Variants in SORBS2 observed in about 807,000 individuals in gnomAD.
SORBS2 encodes the protein sorbin and SH3 domain-containing protein 2.
Under a neutral mutation model 97.7 loss-of-function variants are expected in SORBS2, and 46 were observed. The ratio of observed to expected loss-of-function variants is 0.47; its 90% CI spans 0.37 to 0.60. The LOEUF (loss-of-function observed/expected upper bound fraction) is 0.60. SORBS2 is among the 20% of genes least tolerant of loss of function. The pLI is 0.00. For missense variants in SORBS2, 1,316 were observed against 1,282.3 expected (o/e 1.03, Z -0.40); for synonymous variants, 476 against 473.4 (o/e 1.01, Z -0.07).
chr4:185,872,245 G>A (rs374826351), intron 1 of SORBS2, among the ~76,000 whole-genome samples: 11 of 152,168 alleles, frequency 7.2e-5, no homozygotes, highest in Non-Finnish European at 1.2e-4. Flanking sequence ...TATCAGAGGC[G>A]TGTAACATAC....
intron 2 of SORBS2, among the ~76,000 whole-genome samples, chr4:185,760,751 G>T (rs1057385998): frequency 2.6e-5 from 4 of 152,200 alleles, no homozygotes; most frequent in African/African-American, 9.7e-5. Context: ...ATAAAAGTGT[G>T]CAGTGCATTA....
At chr4:185,707,599 G>A (rs2013570) in intron 2 of SORBS2, among the ~76,000 whole-genome samples, 4 of 151,620 alleles carry the variant, frequency 2.6e-5, no homozygotes, top group Admixed American at 1.3e-4. Flanking sequence ...TCACAATTCC[G>A]TGGTGGTAGT....
At chr4:185,954,706 T>C (rs1006583171) in intron 1 of SORBS2, among the ~76,000 whole-genome samples, 3 of 152,216 alleles carry the variant, frequency 2.0e-5, no homozygotes, top group Non-Finnish European at 4.4e-5. Context: ...ACACCTGTAA[T>C]CCCAGCACTT....
chr4:185,687,282 C>G (rs1158471332), intron 2 of SORBS2, among the ~76,000 whole-genome samples: 1 of 152,160 alleles, frequency 6.6e-6, no homozygotes, highest in Non-Finnish European at 1.5e-5. Context: ...CCTGGCTCAG[C>G]CTCCCAAAAT....
intron 1 of SORBS2, among the ~76,000 whole-genome samples, chr4:185,877,480 T>G (rs1034485381): frequency 6.6e-6 from 1 of 152,202 alleles, no homozygotes; most frequent in South Asian, 2.1e-4. Flanking sequence ...ATTTAATCAT[T>G]GAAAATACAG....
intron 1 of SORBS2, among the ~76,000 whole-genome samples, chr4:185,936,522 A>G (rs573978993): frequency 1.3e-5 from 2 of 152,360 alleles, no homozygotes; most frequent in South Asian, 4.1e-4. Context: ...TTGAATGTTC[A>G]TAAGTGTGAC....
intron 1 of SORBS2, among the ~76,000 whole-genome samples, chr4:185,826,732 T>C (rs1021736861): frequency 9.9e-5 from 15 of 152,224 alleles, no homozygotes; most frequent in Non-Finnish European, 2.9e-5. Flanking sequence ...TTCTGTGATG[T>C]ATAGGGCACT....
At chr4:185,846,151 T>C (rs1391057085) in intron 1 of SORBS2, among the ~76,000 whole-genome samples, 3 of 152,172 alleles carry the variant, frequency 2.0e-5, no homozygotes, top group Non-Finnish European at 4.4e-5. Flanking sequence ...ACAACACAAA[T>C]GTCCATCACC....
intron 4 of SORBS2, among the ~76,000 whole-genome samples, chr4:185,632,531 A>G (rs182750857): frequency 1.3e-4 from 20 of 152,358 alleles, no homozygotes; most frequent in Middle Eastern, 3.4e-3. Context: ...TCAGATCGTT[A>G]TATTACAATT....
exon 15 of SORBS2, chr4:185,585,847 T>C (rs1318078741): frequency 1.3e-5 from 2 of 152,354 alleles, no homozygotes; most frequent in East Asian, 3.9e-4. Flanking sequence ...CAACGATGTT[T>C]CTTTACCTTC....
intron 9 of SORBS2, among the ~76,000 whole-genome samples, chr4:185,616,596 ATG>A (rs200824993): frequency 0.022 from 3,388 of 152,338 alleles, 175 homozygotes; most frequent in East Asian, 0.19. Flanking sequence ...TTTCAAAGCT[ATG>A]AAAAAGACTC....
chr4:185,859,203 G>A (rs547203613), intron 1 of SORBS2, among the ~76,000 whole-genome samples: 1 of 152,318 alleles, frequency 6.6e-6, no homozygotes, highest in Admixed American at 6.5e-5. Context: ...ACTTATTTCA[G>A]TCGGAAAACT....
chr4:185,955,075 A>G (rs1024383864), intron 1 of SORBS2, among the ~76,000 whole-genome samples: 43 of 152,376 alleles, frequency 2.8e-4, no homozygotes, highest in Middle Eastern at 3.4e-3. Flanking sequence ...CATGACTTAT[A>G]AGAGCTTCCA....
At chr4:185,916,842 G>A (rs533666606) in intron 1 of SORBS2, among the ~76,000 whole-genome samples, 13 of 152,284 alleles carry the variant, frequency 8.5e-5, no homozygotes, top group African/African-American at 1.9e-4. Flanking sequence ...TATACAACTC[G>A]TCAAATCCTT....
chr4:185,732,737 A>G (rs1265687943), intron 2 of SORBS2, among the ~76,000 whole-genome samples: 1 of 152,230 alleles, frequency 6.6e-6, no homozygotes, highest in Non-Finnish European at 1.5e-5. Flanking sequence ...GTGTTCCCCA[A>G]AAAGGTATGT....
chr4:185,760,316 C>CT (rs1306563534), intron 2 of SORBS2, among the ~76,000 whole-genome samples: 2 of 152,190 alleles, frequency 1.3e-5, no homozygotes, highest in Non-Finnish European at 2.9e-5. Flanking sequence ...AATCCCTGCA[C>CT]TTTGGGAGGC....
chr4:185,624,148 C>T (rs201423233), exon 7 of SORBS2: 3 of 1,614,126 alleles, frequency 1.9e-6, no homozygotes, highest in African/African-American at 1.3e-5. Context: ...CGTAGGGGGA[C>T]CCCCACGCCA....
chr4:185,858,017 C>A (rs372166711), intron 1 of SORBS2, among the ~76,000 whole-genome samples: 1 of 152,146 alleles, frequency 6.6e-6, no homozygotes, highest in Non-Finnish European at 1.5e-5. Flanking sequence ...GTGACCTACT[C>A]CCTGTTCATA....
chr4:185,680,945 G>A (rs142378040), intron 2 of SORBS2, among the ~76,000 whole-genome samples: 1 of 152,068 alleles, frequency 6.6e-6, no homozygotes, highest in Non-Finnish European at 1.5e-5. Flanking sequence ...GGGACACTGG[G>A]CCCAGGGATT....
Sources: gnomAD v4.1 joint callset for allele counts (sites outside exome capture counted in the v4.1 genomes callset) on GRCh38, gnomAD v4.1.1 for gene constraint, MANE v1.5 for transcripts, NCBI Gene and HGNC (gene_info 2026-07-23, HGNC 2026-07-21) for gene names.